Variants in DOCK2 observed in about 807,000 individuals in gnomAD.
DOCK2 encodes the protein dedicator of cytokinesis 2.
In DOCK2, 87 loss-of-function variants were observed where a neutral mutation model predicts 248.9. The observed-to-expected ratio is 0.35, with a 90% CI of 0.29 to 0.42. DOCK2 has a LOEUF of 0.42. Among genes scored for constraint, DOCK2 ranks in the 10% least tolerant of loss-of-function variants. DOCK2 has a pLI of 1.00. For missense variants in DOCK2, 1,747 were observed against 2,300.2 expected (o/e 0.76, Z 4.92); for synonymous variants, 805 against 821.6 (o/e 0.98, Z 0.35).
At chr5:169,776,032 T>C (rs1225681967) in intron 25 of DOCK2, among the ~76,000 whole-genome samples, 2 of 151,890 alleles carry the variant, frequency 1.3e-5, no homozygotes, top group Non-Finnish European at 2.9e-5. Flanking sequence ...TGTGAGTTGA[T>C]TGTAAGACAT....
rs534180108 is a variant in DOCK2, at chr5:169,869,564, A to C, written c.2799+28712A>C. 1.2e-4 allele frequency among the ~76,000 whole-genome samples: 19 copies of C among 152,216 alleles called. No homozygotes were observed. The South Asian group carries it at 3.9e-3, about 32-fold the overall frequency. On this transcript the variant is annotated intron_variant, in intron 27 of 51. Transcript: ENST00000520908. Reference sequence around the variant, plus strand: ...ATTTTGCTTTGGTGGCAGCTGCCTTATAAATGGGGAGGGACAGAGCCCTCT... The same window carrying C: ...ATTTTGCTTTGGTGGCAGCTGCCTTCTAAATGGGGAGGGACAGAGCCCTCT...
intron 15 of DOCK2, among the ~76,000 whole-genome samples, chr5:169,710,729 T>C (rs1467000825): frequency 1.3e-5 from 2 of 152,220 alleles, no homozygotes; most frequent in African/African-American, 4.8e-5. Context: ...TCTCCACTTA[T>C]TACACATATT....
chr5:169,882,976 G>C (rs1772749143), intron 27 of DOCK2: 1 of 1,551,624 alleles, frequency 6.4e-7, no homozygotes, highest in Non-Finnish European at 8.7e-7. Context: ...GGAACTGTGA[G>C]TCCGTGGAGA....
chr5:169,798,754 A>T (rs1186112113), intron 25 of DOCK2, among the ~76,000 whole-genome samples: 1 of 152,180 alleles, frequency 6.6e-6, no homozygotes, highest in East Asian at 1.9e-4. Context: ...GGCACATAGT[A>T]AGCCTTCCAT....
intron 33 of DOCK2, 55 bp from the exon 34 acceptor site, chr5:170,027,808 T>A (rs1331015667): frequency 1.3e-6 from 2 of 1,527,930 alleles, no homozygotes; most frequent in Non-Finnish European, 9.0e-7. Flanking sequence ...AATTGACTAA[T>A]TTCAGCCCTC....
At chr5:169,884,454 A>T (rs536357084) in intron 27 of DOCK2, 1 of 152,346 alleles carries the variant, frequency 6.6e-6, no homozygotes, top group South Asian at 2.1e-4. Flanking sequence ...GAAATAAATG[A>T]CCTGGAGGTT....
intron 27 of DOCK2, among the ~76,000 whole-genome samples, chr5:169,960,967 T>A (rs1777063073): frequency 6.6e-6 from 1 of 152,212 alleles, no homozygotes; most frequent in Admixed American, 6.5e-5. Context: ...CTAGGGTTCA[T>A]AGTATATATA....
chr5:169,698,726 A>T (rs2113454048), intron 11 of DOCK2, among the ~76,000 whole-genome samples: 1 of 152,382 alleles, frequency 6.6e-6, no homozygotes, highest in East Asian at 1.9e-4. Flanking sequence ...GAAGTAGTGA[A>T]CAAGATGGGC....
At chr5:169,929,419 C>T (rs1775634694) in intron 27 of DOCK2, among the ~76,000 whole-genome samples, 1 of 152,096 alleles carries the variant, frequency 6.6e-6, no homozygotes, top group Non-Finnish European at 1.5e-5. Flanking sequence ...CTTATCTTGC[C>T]ATGGGATGAG....
In DOCK2 at chr5:169,918,188, C is replaced by G. The variant is rs575670683; in HGVS notation, c.2800-64880C>G. Among the ~76,000 whole-genome samples, 7 of 152,344 alleles carry G rather than the reference C, an allele frequency of 4.6e-5. 1 individual carries two copies. The South Asian group carries it at 1.2e-3, about 27-fold the overall frequency. On this transcript the variant is annotated intron_variant, in intron 27 of 51. Transcript: ENST00000520908. ...TAAAATTTTAAAAATACAGAAACCA[C>G]ATATGATCCTTGTCTTGGGAGACTG...
chr5:170,057,542 T>C (rs1410768930), intron 43 of DOCK2, 38 bp from the exon 44 acceptor site: 1 of 1,592,662 alleles, frequency 6.3e-7, no homozygotes, highest in East Asian at 2.2e-5. Context: ...ATGTGTTTGT[T>C]GCTTTCCTGC....
At chr5:169,848,441 C>T (rs1260558857) in intron 27 of DOCK2, among the ~76,000 whole-genome samples, 1 of 152,196 alleles carries the variant, frequency 6.6e-6, no homozygotes, top group Non-Finnish European at 1.5e-5. Flanking sequence ...GGAAAAATGT[C>T]CAGGCTTGTT....
At chr5:169,908,922 A>G (rs1774444699) in intron 27 of DOCK2, among the ~76,000 whole-genome samples, 1 of 152,086 alleles carries the variant, frequency 6.6e-6, no homozygotes, top group Admixed American at 6.5e-5. Context: ...CATTTTGCAG[A>G]TGAGAAAACA....
chr5:169,940,281 G>A (rs1038572014), intron 27 of DOCK2, among the ~76,000 whole-genome samples: 2 of 152,150 alleles, frequency 1.3e-5, no homozygotes, highest in African/African-American at 2.4e-5. Context: ...TCTCAACCAG[G>A]GGCAATTTTG....
intron 30 of DOCK2, among the ~76,000 whole-genome samples, chr5:170,006,852 C>T (rs763416379): frequency 6.6e-6 from 1 of 152,122 alleles, no homozygotes; most frequent in Admixed American, 6.5e-5. Flanking sequence ...AAAAGAACCC[C>T]GAATGTCAAT....
chr5:170,008,677 G>T lies in DOCK2; in HGVS notation c.3174-11G>T. The T allele has an allele frequency of 6.2e-7, 1 of 1,614,070 alleles. No homozygotes were observed. The highest frequency in any genetic ancestry group is 1.7e-4 in the Middle Eastern group (1 of 6,060). ...GATGGTGCCTGAAGCAGAGGTTTTT[G>T]TTCCTCCTAGGTATGGGGACATGAG... On this transcript the variant is annotated splice_polypyrimidine_tract_variant and intron_variant, in intron 31 of 51. Transcript: ENST00000520908.
In DOCK2 at chr5:170,027,872, G is replaced by A. The variant is rs1360509769; in HGVS notation, c.3391G>A (p.Glu1131Lys). 1.2e-6 allele frequency: 2 copies of A among 1,612,412 alleles called. No individual in the cohort carries two copies. Among genetic ancestry groups the A allele is most frequent in the African/African-American group, 1.3e-5 (1 of 74,954 alleles). Reference protein sequence around the residue: ...RSGDFKKFENEIILKLDHEVE... With the variant: ...RSGDFKKFENKIILKLDHEVE... ...TCTCCTACATCTTCAGTTTGAAAAC[G>A]AAATCATCCTGAAGCTGGACCACGA... Residue 1131 changes from glutamate (E) to lysine (K), a missense_variant, in exon 34 of 52, where the codon GAA becomes AAA. Physicochemically the swap from Glu to Lys is moderately conservative, Grantham distance 56 (BLOSUM62 1). Transcript: ENST00000520908.
intron 23 of DOCK2, among the ~76,000 whole-genome samples, chr5:169,757,206 T>C (rs1764242871): frequency 6.6e-6 from 1 of 152,184 alleles, no homozygotes; most frequent in Non-Finnish European, 1.5e-5. Context: ...CTGTTGCTTG[T>C]CTAGCCCTGC....
chr5:169,921,563 G>T (rs1775175848), intron 27 of DOCK2, among the ~76,000 whole-genome samples: 1 of 152,196 alleles, frequency 6.6e-6, no homozygotes, highest in Non-Finnish European at 1.5e-5. Flanking sequence ...GTAGGAATTT[G>T]CTGTGGCTCT....
Sources: gnomAD v4.1 joint callset for allele counts (sites outside exome capture counted in the v4.1 genomes callset) on GRCh38, gnomAD v4.1.1 for gene constraint, MANE v1.5 for transcripts, NCBI Gene and HGNC (gene_info 2026-07-23, HGNC 2026-07-21) for gene names.